The following CDH10 variants were observed in gnomAD, a reference collection of about 807,000 sequenced individuals.
The protein encoded by CDH10 is cadherin-10.
A neutral mutation model predicts 73.1 loss-of-function variants in CDH10; 30 were observed. That is an observed-to-expected ratio of 0.41 (90% CI 0.31 to 0.56). The LOEUF (loss-of-function observed/expected upper bound fraction) is 0.56. CDH10 is among the 20% of genes least tolerant of loss of function. CDH10 has a pLI of 0.27. For missense variants in CDH10, 815 were observed against 973.7 expected (o/e 0.84, Z 2.17); for synonymous variants, 345 against 348.2 (o/e 0.99, Z 0.10).
intron 5 of CDH10, among the ~76,000 whole-genome samples, chr5:24,522,744 T>C (rs1218244045): frequency 2.0e-5 from 3 of 152,108 alleles, no homozygotes; most frequent in Non-Finnish European, 4.4e-5. Flanking sequence ...ATCTAAAAGA[T>C]TCATCAGTTG....
At chr5:24,489,349 G>A (rs1476249906) in intron 11 of CDH10, among the ~76,000 whole-genome samples, 2 of 152,032 alleles carry the variant, frequency 1.3e-5, no homozygotes, top group East Asian at 1.9e-4. Context: ...CTTTTTTAAT[G>A]TCATGAAAAA....
intron 2 of CDH10, among the ~76,000 whole-genome samples, chr5:24,557,466 T>A (rs571053734): frequency 3.3e-5 from 5 of 151,716 alleles, no homozygotes; most frequent in African/African-American, 4.8e-5. Flanking sequence ...ACTCAATACA[T>A]TTACATATAA....
intron 7 of CDH10, 82 bp downstream of exon 7, chr5:24,509,484 C>A (rs1349765194): frequency 1.6e-6 from 2 of 1,262,032 alleles, no homozygotes; most frequent in Admixed American, 4.0e-5. Flanking sequence ...CGTGATCCAC[C>A]CGCCTCGGCC....
At chr5:24,642,373 T>C (rs1278281605) in intron 1 of CDH10, among the ~76,000 whole-genome samples, 2 of 152,076 alleles carry the variant, frequency 1.3e-5, no homozygotes, top group Non-Finnish European at 2.9e-5. Flanking sequence ...ATATAAAAAA[T>C]TAAGTAAAGG....
Position 24,579,293 on chromosome 5 carries a change from C to T in CDH10, c.231+13967G>A, listed in dbSNP as rs146262686. 3.7e-3 allele frequency among the ~76,000 whole-genome samples: 564 copies of T among 151,202 alleles called. 1 individual carries two copies. Among genetic ancestry groups the T allele is most frequent in the African/African-American group, 0.013 (547 of 41,340 alleles). On this transcript the variant is annotated intron_variant, in intron 2 of 11. Transcript: ENST00000264463. Reference sequence around the variant, plus strand: ...AATTCTCCCTATCATATTTCTTATTCGATATTGTATTAGATTCTTTATTCA... The same window carrying T: ...AATTCTCCCTATCATATTTCTTATTTGATATTGTATTAGATTCTTTATTCA...
At chr5:24,509,893 AT>A in intron 6 of CDH10, 74 bp from the exon 7 acceptor site, 2 of 1,204,652 alleles carry the variant, frequency 1.7e-6, no homozygotes, top group Non-Finnish European at 2.4e-6. Context: ...TTACAGTATG[AT>A]TTTTAAGTTG....
At position 24,539,021 on chromosome 5, in the gene CDH10, T is replaced by C. The variant is rs1214627845; in HGVS notation, c.232-1347A>G. Among the ~76,000 whole-genome samples, 4 of 152,072 alleles carry C rather than the reference T, an allele frequency of 2.6e-5. 1 individual carries two copies. In the South Asian group the frequency reaches 8.3e-4, roughly 31 times the overall value. On this transcript the variant is annotated intron_variant, in intron 2 of 11. Transcript: ENST00000264463. ...TGTTACATGTTTGATAAGAAATATT[T>C]TTAAAACTGTAGATCTTAATTTCTA...
chr5:24,537,277 C>G, intron 3 of CDH10, 103 bp downstream of exon 3: 1 of 762,484 alleles, frequency 1.3e-6, no homozygotes, highest in Non-Finnish European at 2.1e-6. Context: ...CTCATGGTAG[C>G]AAATCAAAGA....
chr5:24,572,137 G>A (rs1306408487), intron 2 of CDH10, among the ~76,000 whole-genome samples: 4 of 152,044 alleles, frequency 2.6e-5, no homozygotes, highest in African/African-American at 7.3e-5. Flanking sequence ...TTATCTTGGA[G>A]CTCTGTCTGA....
At chr5:24,621,579 A>T (rs1747317375) in intron 1 of CDH10, among the ~76,000 whole-genome samples, 1 of 152,194 alleles carries the variant, frequency 6.6e-6, no homozygotes. Context: ...AAAACAGGAA[A>T]ATGGCATAGG....
intron 2 of CDH10, among the ~76,000 whole-genome samples, chr5:24,560,889 A>G (rs1222464258): frequency 1.3e-5 from 2 of 152,104 alleles, no homozygotes; most frequent in East Asian, 3.9e-4. Context: ...TTTTTTTACT[A>G]TAGTGAAATA....
intron 5 of CDH10, among the ~76,000 whole-genome samples, chr5:24,514,868 G>T (rs1392251638): frequency 1.7e-5 from 2 of 120,708 alleles, no homozygotes; most frequent in Non-Finnish European, 3.7e-5. Context: ...TATATGGATG[G>T]TTAGATTGAG....
At chr5:24,563,760 C>T (rs1303210012) in intron 2 of CDH10, among the ~76,000 whole-genome samples, 3 of 114,734 alleles carry the variant, frequency 2.6e-5, no homozygotes, top group Admixed American at 9.5e-5. Flanking sequence ...CAGAGCGAGA[C>T]TCCGCCCCCT....
At chr5:24,626,471 G>C (rs1451695932) in intron 1 of CDH10, among the ~76,000 whole-genome samples, 2 of 152,058 alleles carry the variant, frequency 1.3e-5, no homozygotes, top group Admixed American at 6.6e-5. Context: ...TGATAGAAGA[G>C]TTACCCACGT....
intron 1 of CDH10, among the ~76,000 whole-genome samples, chr5:24,622,385 A>G (rs574363663): frequency 6.6e-6 from 1 of 152,124 alleles, no homozygotes; most frequent in South Asian, 2.1e-4. Context: ...CTGAGGGAAG[A>G]AGGGACATTT....
intron 5 of CDH10, among the ~76,000 whole-genome samples, chr5:24,513,856 C>G (rs1955288): frequency 6.6e-6 from 1 of 152,128 alleles, no homozygotes; most frequent in African/African-American, 2.4e-5. Flanking sequence ...GTTGTCTGCT[C>G]TATGGGGACC....
chr5:24,578,663 T>C (rs1273416717), intron 2 of CDH10: 1 of 153,992 alleles, frequency 6.5e-6, no homozygotes. Flanking sequence ...AGTATCTCTA[T>C]AACCATTGAA....
intron 1 of CDH10, among the ~76,000 whole-genome samples, chr5:24,604,890 AAAAAAC>A (rs1361383795): frequency 5.0e-4 from 72 of 143,990 alleles, no homozygotes; most frequent in African/African-American, 1.9e-3. Flanking sequence ...AAAAAAAAAA[AAAAAAC>A]AAAAACAAAC....
intron 5 of CDH10, 69 bp downstream of exon 5, chr5:24,535,043 T>C (rs2111875029): frequency 3.7e-6 from 5 of 1,368,734 alleles, no homozygotes; most frequent in Non-Finnish European, 5.0e-6. Flanking sequence ...CTTTTCTTTT[T>C]CTTTCTTTGT....
Sources: gnomAD v4.1 joint callset for allele counts (sites outside exome capture counted in the v4.1 genomes callset) on GRCh38, gnomAD v4.1.1 for gene constraint, MANE v1.5 for transcripts, NCBI Gene and HGNC (gene_info 2026-07-23, HGNC 2026-07-21) for gene names.